The following ZNF518A variants were observed in gnomAD, a reference collection of about 807,000 sequenced individuals.
ZNF518A encodes the protein zinc finger protein 518A.
ZNF518A carries 47 observed loss-of-function variants against 102.7 expected under a neutral mutation model. The observed-to-expected ratio is 0.46, with a 90% CI of 0.36 to 0.58. ZNF518A has a LOEUF of 0.58. Among genes scored for constraint, ZNF518A ranks in the 20% least tolerant of loss-of-function variants. The pLI, the probability that ZNF518A is intolerant of heterozygous loss-of-function variation, is 0.00. For synonymous variants in ZNF518A, 652 were observed against 594.6 expected (o/e 1.10, Z -1.40); for missense variants, 1,793 against 1,699.8 (o/e 1.05, Z -0.96).
At chr10:96,169,271 CTG>C (rs1314197634) in intron 1 of ZNF518A, among the ~76,000 whole-genome samples, 1 of 152,212 alleles carries the variant, frequency 6.6e-6, no homozygotes, top group African/African-American at 2.4e-5. Flanking sequence ...TCCCAAAACA[CTG>C]TGATTACAGG....
Position 96,200,155 on chromosome 10 carries a change from C to A in ZNF518A, n.36-3419C>A. 1 of 1,614,016 alleles carries A rather than the reference C, an allele frequency of 6.2e-7. No individual in the cohort carries two copies. The highest frequency in any genetic ancestry group is 8.5e-7 in the Non-Finnish European group (1 of 1,179,942). On this transcript the variant is annotated intron_variant and non_coding_transcript_variant, in intron 1 of 2. Coordinates refer to the ZNF518A transcript ENST00000442635. This position sits in a 1 kb window ranked among gnomAD's most constrained non-coding sequence, Gnocchi z 4.3. ...TACCATGGCTTGCAGAGAACGCCAG[C>A]TTCCTGTGAAATGGAGGGCACTGGT...
At position 96,132,150 on chromosome 10, in the gene ZNF518A, A is replaced by T. The variant is rs12573648; in HGVS notation, c.-452-436A>T. The stretch of plus-strand genomic sequence containing the variant: ...CACCGTCTTGAAATTTTTATTTATT[A>T]TCTGGTCCCAGGTGTGTAGGCTGTG... On this transcript the variant is annotated intron_variant, in intron 1 of 5. Coordinates refer to ENST00000316045, the MANE Select transcript of ZNF518A (RefSeq NM_001330736.2). 3.9e-4 allele frequency among the ~76,000 whole-genome samples: 59 copies of T among 151,708 alleles called. No individual in the cohort carries two copies. The East Asian group carries it at 0.011, about 27-fold the overall frequency.
At chr10:96,173,563 C>T (rs1554891153) in intron 1 of ZNF518A, among the ~76,000 whole-genome samples, 1 of 152,046 alleles carries the variant, frequency 6.6e-6, no homozygotes, top group Non-Finnish European at 1.5e-5. Flanking sequence ...AAAGTGTCAA[C>T]TCATCAGGAA....
downstream of ZNF518A, chr10:96,205,208 C>A (rs587695585): frequency 6.4e-6 from 1 of 156,988 alleles, no homozygotes; most frequent in African/African-American, 2.4e-5. Flanking sequence ...TGAGCATAAA[C>A]CTGAAGTGTA....
intron 2 of ZNF518A, chr10:96,203,633 C>T: frequency 6.5e-6 from 1 of 153,482 alleles, no homozygotes; most frequent in Non-Finnish European, 1.4e-5. Context: ...TTTAAGGTAC[C>T]TTTTGTAGAC....
In ZNF518A at chr10:96,163,637, A is replaced by C. The variant is rs1554889228; in HGVS notation, c.*2863A>C. The C allele has an allele frequency of 6.0e-6, 1 of 167,062 alleles. No homozygotes were observed. 10.3% of individuals were successfully genotyped at this position (167,062 alleles called of 1,614,324 possible). On this transcript the variant is annotated 3_prime_UTR_variant, in exon 6 of 6. Coordinates refer to ENST00000316045, the MANE Select transcript of ZNF518A (RefSeq NM_001330736.2). ...ATTTTTTCAATAAAGGGTCAGATAAATAAGCTTCGTAGGCCTTCTAGTTTC... is the reference window on the plus strand; with the variant it reads ...ATTTTTTCAATAAAGGGTCAGATAACTAAGCTTCGTAGGCCTTCTAGTTTC...
chr10:96,130,138 C>G (rs1423294675), upstream of ZNF518A: 1 of 152,746 alleles, frequency 6.5e-6, no homozygotes, highest in South Asian at 2.1e-4. Flanking sequence ...GTCAGCGGGA[C>G]TGCCCAGACC....
Position 96,171,704 on chromosome 10 carries a change from TG to T in ZNF518A, n.35+15660del, listed in dbSNP as rs587731970. On this transcript the variant is annotated intron_variant and non_coding_transcript_variant, in intron 1 of 2. Transcript: ENST00000442635. ...AGCACACATAGACACATGTATAATG[TG>T]GGACACCATTAAGGGCAACATATGT... 2.2e-4 allele frequency among the ~76,000 whole-genome samples: 34 copies of T among 152,286 alleles called. No individual in the cohort carries two copies. In the South Asian group the frequency reaches 6.8e-3, roughly 31 times the overall value.
At position 96,141,431 on chromosome 10, in the gene ZNF518A, C is replaced by T. The variant is rs587624674; in HGVS notation, c.-302+7783C>T. Among the ~76,000 whole-genome samples the T allele has an allele frequency of 7.2e-5, 11 of 152,092 alleles. No homozygotes were observed. The East Asian group carries it at 1.2e-3, about 16-fold the overall frequency. On this transcript the variant is annotated intron_variant, in intron 3 of 5. Coordinates refer to ENST00000316045, the MANE Select transcript of ZNF518A (RefSeq NM_001330736.2). ...GGAAGGAGATGCCATGCCTGGTGAC[C>T]GAAAACTATATGAACAGAACAAAGG... is the stretch of plus-strand genomic sequence containing the variant.
intron 1 of ZNF518A, among the ~76,000 whole-genome samples, chr10:96,172,953 A>G (rs771174789): frequency 2.6e-5 from 4 of 152,148 alleles, no homozygotes; most frequent in South Asian, 2.1e-4. Flanking sequence ...GATTCAATCA[A>G]TCATGGATCA....
chr10:96,145,028 G>A (rs2082105330), intron 3 of ZNF518A, among the ~76,000 whole-genome samples: 2 of 151,352 alleles, frequency 1.3e-5, no homozygotes, highest in Admixed American at 1.3e-4. Flanking sequence ...CATATTAGTT[G>A]AATACCATTT....
At chr10:96,167,698 T>G (rs946448214), downstream of ZNF518A, among the ~76,000 whole-genome samples, 2 of 152,086 alleles carry the variant, frequency 1.3e-5, no homozygotes, top group African/African-American at 4.8e-5. Flanking sequence ...ATATGCAATC[T>G]GAAACAAAAA....
intron 1 of ZNF518A, among the ~76,000 whole-genome samples, chr10:96,194,188 C>T (rs1469999842): frequency 6.6e-6 from 1 of 152,102 alleles, no homozygotes; most frequent in African/African-American, 2.4e-5. Flanking sequence ...TTCAGGACCT[C>T]GAAATAGGAC....
At chr10:96,190,740 G>T (rs1206600433) in intron 1 of ZNF518A, among the ~76,000 whole-genome samples, 2 of 152,136 alleles carry the variant, frequency 1.3e-5, no homozygotes, top group African/African-American at 4.8e-5. Context: ...CTTCACTGCT[G>T]TCTGAAGTAC....
At chr10:96,204,605 G>A (rs782411291), downstream of ZNF518A, 8 of 1,613,908 alleles carry the variant, frequency 5.0e-6, no homozygotes, top group South Asian at 6.6e-5. Context: ...CGTTCAGCAG[G>A]TATAGGTTTT....
chr10:96,185,669 C>A (rs11188652), intron 1 of ZNF518A, among the ~76,000 whole-genome samples: 46,646 of 152,064 alleles, frequency 0.31, 8,258 homozygotes, highest in East Asian at 0.66. Context: ...CTGCCTGATC[C>A]TTCCTCTGGA....
chr10:96,165,677 C>T (rs1267649081), downstream of ZNF518A, among the ~76,000 whole-genome samples: 2 of 152,080 alleles, frequency 1.3e-5, no homozygotes, highest in Admixed American at 6.5e-5. Context: ...CACTGAAGAG[C>T]TGATTTACCA....
At position 96,160,115 on chromosome 10, in the gene ZNF518A, G is replaced by A. The variant is rs587717421; in HGVS notation, c.3793G>A (p.Asp1265Asn). ...FSKTKTHGSK[D>N]SETAFVSRNR... ...AAAAACAAAAACTCATGGAAGTAAA[G>A]ACTCTGAAACTGCCTTTGTATCTAG... Residue 1265 changes from aspartate (D) to asparagine (N), a missense_variant, in exon 6 of 6, where the codon GAC becomes AAC. This residue lies in a region of ZNF518A where 1,741 missense variants were observed against 1,622.6 expected (regional missense o/e 1.07). Coordinates refer to ENST00000316045, the MANE Select transcript of ZNF518A (RefSeq NM_001330736.2). 6.2e-7 allele frequency: 1 copy of A among 1,611,138 alleles called. No individual in the cohort carries two copies. Among genetic ancestry groups the A allele is most frequent in the East Asian group, 2.2e-5 (1 of 44,852 alleles).
intron 1 of ZNF518A, among the ~76,000 whole-genome samples, chr10:96,201,767 C>CATT (rs1373519341): frequency 1.3e-5 from 2 of 152,022 alleles, no homozygotes; most frequent in African/African-American, 4.8e-5. Context: ...TTCATTCATT[C>CATT]ATTCTTGTTT....
Sources: allele counts gnomAD v4.1 joint callset (sites outside exome capture counted in the v4.1 genomes callset), GRCh38; gene constraint gnomAD v4.1.1; regional missense constraint gnomAD v4.1.1; non-coding constraint Gnocchi (gnomAD v3.1); transcripts MANE v1.5; gene names NCBI Gene and HGNC (gene_info 2026-07-23, HGNC 2026-07-21).